The following ABCA2 variants were observed in gnomAD, a reference collection of about 807,000 sequenced individuals.
The protein encoded by ABCA2 is ATP binding cassette subfamily A member 2, also known as ATP-binding cassette sub-family A member 2.
A neutral mutation model predicts 262.8 loss-of-function variants in ABCA2; 84 were observed. The observed-to-expected ratio is 0.32, with a 90% CI of 0.27 to 0.38. ABCA2 has a LOEUF of 0.38. ABCA2 is among the 10% of genes least tolerant of loss of function. The pLI, the probability that ABCA2 is intolerant of heterozygous loss-of-function variation, is 1.00. For synonymous variants in ABCA2, 1,696 were observed against 1,502.9 expected (o/e 1.13, Z -2.97); for missense variants, 2,662 against 3,405.9 (o/e 0.78, Z 5.44).
At chr9:137,008,304 C>G (rs1421181600) in intron 48 of ABCA2, 112 bp downstream of exon 48, 4 of 1,276,294 alleles carry the variant, frequency 3.1e-6, no homozygotes, top group African/African-American at 2.9e-5. Flanking sequence ...GACCTCTGGA[C>G]AGCAAGCATC....
chr9:137,020,125 C>G, intron 10 of ABCA2: 1 of 643,428 alleles, frequency 1.6e-6, no homozygotes, highest in Non-Finnish European at 2.6e-6. Context: ...AGAGCAGACT[C>G]TCCAGTGCCT....
chr9:137,016,854 C>G (rs2131450541), intron 19 of ABCA2, 66 bp downstream of exon 19: 3 of 1,586,552 alleles, frequency 1.9e-6, no homozygotes, highest in Non-Finnish European at 2.6e-6. Context: ...TGGACACAGA[C>G]TGCTGGTCCC....
rs751895234 is a variant in ABCA2, at chr9:137,012,788, C to T, written c.5005G>A (p.Asp1669Asn). Residue 1669 changes from aspartate (D) to asparagine (N), a missense_variant, in exon 31 of 49, where the codon GAC (aspartate) becomes AAC (asparagine). Asp to Asn is a conservative substitution (Grantham distance 23). Around this residue, in one of 12 missense-constraint regions of ABCA2, gnomAD observed 602 missense variants for 897.4 expected, o/e 0.67. Coordinates refer to ENST00000341511, the MANE Select transcript of ABCA2 (RefSeq NM_001606.5). Reference protein sequence around the residue: ...HPPQMRVVTGDILTDITGHNV... With the variant: ...HPPQMRVVTGNILTDITGHNV... ...TGGCCGGTGATGTCGGTCAGGATGT[C>T]GCCTGTGACCACCCGCATCTGGGGC... is the stretch of plus-strand genomic sequence containing the variant. 3 of 1,612,604 alleles carry T rather than the reference C, an allele frequency of 1.9e-6. No homozygotes were observed. The highest frequency in any genetic ancestry group is 1.7e-6 in the Non-Finnish European group (2 of 1,179,872).
At position 137,020,884 on chromosome 9, in the gene ABCA2, G is replaced by T. The variant is rs1313871925; in HGVS notation, c.1075C>A (p.Pro359Thr). The T allele has an allele frequency of 1.9e-6, 3 of 1,549,054 alleles. No individual in the cohort carries two copies. Among genetic ancestry groups the T allele is most frequent in the African/African-American group, 1.4e-5 (1 of 73,460 alleles). ...GCCCCACCCGCACCACTGGCTGGGG[G>T]TCCGGGGGTCCGGCCAGTGCAGGCA... ...QGACTGRTPG[P>T]PASGAGGAAN... Residue 359 changes from proline to threonine, a missense_variant, in exon 9 of 49, where the codon CCC becomes ACC. By Grantham distance (38) the Pro-to-Thr change is conservative (BLOSUM62 -1). Around this residue, in one of 12 missense-constraint regions of ABCA2, gnomAD observed 403 missense variants for 375.9 expected, o/e 1.07. Coordinates refer to ENST00000341511, the MANE Select transcript of ABCA2 (RefSeq NM_001606.5).
Position 137,028,188 on chromosome 9 carries a change from G to C in ABCA2, c.-48C>G. On this transcript the variant is annotated 5_prime_UTR_variant, in exon 1 of 49. Transcript: ENST00000341511. This position sits in a 1 kb window ranked among gnomAD's most constrained non-coding sequence, Gnocchi z 6.9. ...TCAGCGCCGCGGCCCGCTCCTCTGC[G>C]CGCCCCGCCGGGCCCCGCAGCCCGC... 1 of 980,276 alleles carries C rather than the reference G, an allele frequency of 1.0e-6. No individual in the cohort carries two copies. 60.7% of individuals were successfully genotyped at this position (980,276 alleles called of 1,614,324 possible).
chr9:137,028,810 G>C (rs1831757639), upstream of ABCA2: 1 of 1,302,078 alleles, frequency 7.7e-7, no homozygotes, highest in African/African-American at 1.6e-5. The surrounding 1 kb of genome is among the most constrained non-coding windows in gnomAD (Gnocchi z 6.9). Context: ...AACGCTCGCC[G>C]TGAGCGGAGC....
intron 48 of ABCA2, 76 bp from the exon 49 acceptor site, chr9:137,008,040 C>T: frequency 6.5e-7 from 1 of 1,536,120 alleles, no homozygotes; most frequent in South Asian, 1.2e-5. Context: ...TTGTGCTGGC[C>T]CGCCCCGGCC....
chr9:137,022,069 T>G, intron 6 of ABCA2, 68 bp from the exon 7 acceptor site: 1 of 587,520 alleles, frequency 1.7e-6, no homozygotes, highest in Non-Finnish European at 2.5e-6. Flanking sequence ...GGGGCGTGGC[T>G]CCGATGGACG....
intron 6 of ABCA2, 79 bp downstream of exon 6, chr9:137,022,271 TC>T: frequency 6.9e-7 from 1 of 1,450,702 alleles, no homozygotes; most frequent in Non-Finnish European, 9.1e-7. Flanking sequence ...AGGCTGAGCA[TC>T]CTGAGGATGG....
Position 137,009,107 on chromosome 9 carries a change from GC to G in ABCA2, c.6828-55del, listed in dbSNP as rs373183964. The G allele has an allele frequency of 6.1e-4, 940 of 1,545,854 alleles. 3 individuals carry two copies. The African/African-American group carries it at 0.011, about 18-fold the overall frequency. ...CCTGCGCCGCCCAGCCAGAGCCCCA[GC>G]CCCCCAGCCTCCCAGCCCTACAGCC... On this transcript the variant is annotated intron_variant, in intron 45 of 48. Coordinates refer to ENST00000341511, the MANE Select transcript of ABCA2 (RefSeq NM_001606.5).
chr9:137,007,932 G>A lies in ABCA2; in HGVS notation c.7308C>T (p.Cys2436=). Residue 2436 remains cysteine, a synonymous_variant, in exon 49 of 49, where the codon TGC becomes TGT. Transcript: ENST00000341511. The part of the protein sequence containing the change: ...AQLSFNTDTL[C] Reference sequence around the variant, plus strand: ...TCCCTGGCCCAGCTCTGGGTGGTCAGCAGAGCGTGTCCGTGTTGAAGGACA... The same window carrying A: ...TCCCTGGCCCAGCTCTGGGTGGTCAACAGAGCGTGTCCGTGTTGAAGGACA... The A allele has an allele frequency of 6.2e-7, 1 of 1,605,756 alleles. No homozygotes were observed.
At chr9:137,028,353 C>G (rs987040138), upstream of ABCA2, 10 of 840,268 alleles carry the variant, frequency 1.2e-5, no homozygotes, top group Non-Finnish European at 1.4e-5. The surrounding 1 kb of genome is among the most constrained non-coding windows in gnomAD (Gnocchi z 6.9). Context: ...CGCCGCGCTC[C>G]GTCCGCGCCC....
In ABCA2 at chr9:137,014,174, G is replaced by A. The variant is rs758675661; in HGVS notation, c.4234C>T (p.Leu1412=). Residue 1412 remains leucine (L), a synonymous_variant, in exon 27 of 49, where the codon CTG becomes TTG. Transcript: ENST00000341511. ...CTCACCCTGCCACCCCCACCTTGCA[G>A]GCTGACATTGTCTGGGTCCTGTGGG... ...DNPQDPDNVS[L]QEVEAEALSR... 4 of 1,607,052 alleles carry A rather than the reference G, an allele frequency of 2.5e-6. No homozygotes were observed. In the South Asian group the frequency reaches 3.3e-5, roughly 13 times the overall value.
chr9:137,018,754 T>C lies in ABCA2; in HGVS notation c.1784A>G (p.Asn595Ser), dbSNP rs1369421082. The C allele has an allele frequency of 6.2e-7, 1 of 1,611,974 alleles. No homozygotes were observed. The highest frequency in any genetic ancestry group is 2.2e-5 in the East Asian group (1 of 44,842). The change falls in exon 13 of 49, where the codon AAC becomes AGC. Residue 595 changes from asparagine (N) to serine (S), a missense_variant. Asn to Ser is a conservative substitution (Grantham distance 46, BLOSUM62 1). This residue lies in a region of ABCA2 where 187 missense variants were observed against 205.9 expected (regional missense o/e 0.91). Transcript: ENST00000341511. ...DEESIVNYTL[N>S]QAYQDNVTVF... ...AGTGACGTTGTCCTGGTAGGCCTGG[T>C]TGAGGGTGTAGTTGACAATGCTCTC... is the stretch of plus-strand genomic sequence containing the variant.
chr9:137,011,641 G>A lies in ABCA2; in HGVS notation c.5644C>T (p.Leu1882Phe), dbSNP rs1464539028. 1 of 1,553,292 alleles carries A rather than the reference G, an allele frequency of 6.4e-7. No individual in the cohort carries two copies. The highest frequency in any genetic ancestry group is 8.7e-7 in the Non-Finnish European group (1 of 1,148,794). ...CCCTCCGCTTCCGCTTACCCATAGA[G>A]CAGGAAGAGGGAGAGGACGGCAGGG... ...NFPAVLSLFLLYGWSITPIMY... is the reference protein window; with the variant it reads ...NFPAVLSLFLFYGWSITPIMY... The change falls in exon 36 of 49, where the codon CTC (leucine) becomes TTC (phenylalanine). Residue 1882 changes from leucine to phenylalanine, a missense_variant. Leu to Phe is a conservative substitution (Grantham distance 22). This residue lies in a region of ABCA2 where 602 missense variants were observed against 897.4 expected (regional missense o/e 0.67). Coordinates refer to ENST00000341511, the MANE Select transcript of ABCA2 (RefSeq NM_001606.5). This position sits in a 1 kb window ranked among gnomAD's most constrained non-coding sequence, Gnocchi z 8.8.
intron 1 of ABCA2, 73 bp from the exon 2 acceptor site, chr9:137,024,309 G>T: frequency 7.3e-7 from 1 of 1,363,332 alleles, no homozygotes; most frequent in Non-Finnish European, 1.0e-6. Flanking sequence ...CTCCCATAGG[G>T]CTGGCCCAGC....
chr9:137,028,675 T>C, upstream of ABCA2: 1 of 1,188,278 alleles, frequency 8.4e-7, no homozygotes, highest in Non-Finnish European at 1.1e-6. The surrounding 1 kb of genome is among the most constrained non-coding windows in gnomAD (Gnocchi z 6.9). Flanking sequence ...GGGTCTCCTG[T>C]GTGCTTTGTA....
rs1363489337 is a variant in ABCA2 at position 137,019,154 on chromosome 9, C to A, written c.1554+24G>T. The A allele has an allele frequency of 6.2e-7, 1 of 1,606,796 alleles. No homozygotes were observed. Among genetic ancestry groups the A allele is most frequent in the Non-Finnish European group, 8.5e-7 (1 of 1,175,690 alleles). On this transcript the variant is annotated intron_variant, in intron 11 of 48. Transcript: ENST00000341511. The surrounding 1 kb of genome is among the most constrained non-coding windows in gnomAD (Gnocchi z 4.4). Reference sequence around the variant, plus strand: ...GGCTCCCCACACCACCCACAGCCGCCTCCCTCGCGGGCACCCTTGGCACCT... The same window carrying A: ...GGCTCCCCACACCACCCACAGCCGCATCCCTCGCGGGCACCCTTGGCACCT...
Position 137,007,943 on chromosome 9 carries a change from C to G in ABCA2, c.7297G>C (p.Asp2433His). 6.2e-7 allele frequency: 1 copy of G among 1,605,734 alleles called. No individual in the cohort carries two copies. The highest frequency in any genetic ancestry group is 8.5e-7 in the Non-Finnish European group (1 of 1,179,862). ...EERAQLSFNT[D>H]TLC ...GCTCTGGGTGGTCAGCAGAGCGTGT[C>G]CGTGTTGAAGGACAGCTGGGCCTGT... Residue 2433 changes from aspartate to histidine, a missense_variant, in exon 49 of 49, where the codon GAC becomes CAC. Coordinates refer to ENST00000341511, the MANE Select transcript of ABCA2 (RefSeq NM_001606.5).
Sources: gnomAD v4.1 joint callset for allele counts on GRCh38, gnomAD v4.1.1 for gene constraint, gnomAD v4.1.1 regional missense constraint, Gnocchi (gnomAD v3.1) non-coding constraint, MANE v1.5 for transcripts, NCBI Gene and HGNC (gene_info 2026-07-23, HGNC 2026-07-21) for gene names.